Variants in RHOBTB3 observed in about 807,000 individuals in gnomAD.
RHOBTB3 encodes rho-related BTB domain-containing protein 3.
In RHOBTB3, 47 loss-of-function variants were observed where a neutral mutation model predicts 67.2. That is an observed-to-expected ratio of 0.70 (90% CI 0.55 to 0.89). The LOEUF is 0.89. Among genes scored for constraint, RHOBTB3 ranks in the 40% least tolerant of loss-of-function variants. The pLI, the probability that RHOBTB3 is intolerant of heterozygous loss-of-function variation, is 0.00. For missense variants in RHOBTB3, 631 were observed against 750.0 expected (o/e 0.84, Z 1.85); for synonymous variants, 273 against 274.2 (o/e 1.00, Z 0.04).
intron 2 of RHOBTB3, among the ~76,000 whole-genome samples, chr5:95,735,959 C>T (rs562468297): frequency 1.2e-3 from 187 of 152,066 alleles, no homozygotes; most frequent in African/African-American, 4.3e-3. Flanking sequence ...AAAAATTAGC[C>T]GGAATGGTGG....
rs1361470279 is a variant in RHOBTB3 at position 95,795,191 on chromosome 5, G to T, written c.*2017G>T. On this transcript the variant is annotated 3_prime_UTR_variant, in exon 12 of 12. Transcript: ENST00000379982. ...TTTTAATTGGGCTGATTTTAATTAG[G>T]CTGTATCATTGATGATTACTGGAAT... 2.0e-5 allele frequency: 3 copies of T among 151,518 alleles called. No individual in the cohort carries two copies. The highest frequency in any genetic ancestry group is 2.0e-4 in the Admixed American group (3 of 15,208). The allele number at this position is 151,518 out of a possible 1,614,324, so 9.4% of individuals were successfully genotyped here.
chr5:95,723,026 G>C (rs1019007175), intron 1 of RHOBTB3, among the ~76,000 whole-genome samples: 1 of 152,064 alleles, frequency 6.6e-6, no homozygotes, highest in African/African-American at 2.4e-5. Flanking sequence ...TTCAAACAAA[G>C]AAACAAACAT....
Position 95,794,161 on chromosome 5 carries a change from G to A in RHOBTB3, c.*987G>A. 2.5e-6 allele frequency: 1 copy of A among 396,072 alleles called. No homozygotes were observed. The highest frequency in any genetic ancestry group is 1.8e-5 in the South Asian group (1 of 54,500). The allele number at this position is 396,072 out of a possible 1,614,324, so 24.5% of individuals were successfully genotyped here. On this transcript the variant is annotated 3_prime_UTR_variant, in exon 12 of 12. Transcript: ENST00000379982. The stretch of plus-strand genomic sequence containing the variant: ...TGGCAAGGGAGAAATGTGTTGTGTT[G>A]TCTTAGCTTTAAAACAGTCACAGTT...
Position 95,788,811 on chromosome 5 carries a change from C to G in RHOBTB3, c.1673C>G (p.Thr558Ser). Reference sequence around the variant, plus strand: ...ACCTGGCTACTTCATTTCATTGCTACTAACTACCTCATCTTCAGTCAAAAG... The same window carrying G: ...ACCTGGCTACTTCATTTCATTGCTAGTAACTACCTCATCTTCAGTCAAAAG... ...LSTWLLHFIA[T>S]NYLIFSQKPE... Residue 558 changes from threonine (T) to serine (S), a missense_variant, in exon 11 of 12, where the codon ACT becomes AGT. Thr to Ser is a moderately conservative substitution (Grantham distance 58, BLOSUM62 1). Coordinates refer to ENST00000379982, the MANE Select transcript of RHOBTB3 (RefSeq NM_014899.4). 1 of 1,579,928 alleles carries G rather than the reference C, an allele frequency of 6.3e-7. No homozygotes were observed. The highest frequency in any genetic ancestry group is 8.6e-7 in the Non-Finnish European group (1 of 1,168,524).
At chr5:95,784,514 C>T (rs866799556) in intron 10 of RHOBTB3, among the ~76,000 whole-genome samples, 3 of 151,956 alleles carry the variant, frequency 2.0e-5, no homozygotes, top group Admixed American at 6.5e-5. Context: ...CAATCACTGC[C>T]GTATGTGTAC....
intron 1 of RHOBTB3, chr5:95,719,750 C>T (rs1387027782): frequency 6.6e-6 from 1 of 152,146 alleles, no homozygotes; most frequent in Admixed American, 6.6e-5. Flanking sequence ...AGATAGGTCA[C>T]CAATCTTTCC....
intron 8 of RHOBTB3, among the ~76,000 whole-genome samples, chr5:95,775,909 C>T (rs1745862205): frequency 6.6e-6 from 1 of 151,996 alleles, no homozygotes; most frequent in Non-Finnish European, 1.5e-5. Context: ...TAATTATAAA[C>T]TTTTTTTAAG....
At chr5:95,721,161 G>A (rs1453086496) in intron 1 of RHOBTB3, among the ~76,000 whole-genome samples, 3 of 152,184 alleles carry the variant, frequency 2.0e-5, no homozygotes, top group African/African-American at 7.2e-5. Flanking sequence ...CACTATTTAC[G>A]TTGCAGCCTG....
intron 3 of RHOBTB3, 68 bp from the exon 4 acceptor site, chr5:95,748,265 G>C: frequency 8.2e-7 from 1 of 1,218,064 alleles, no homozygotes; most frequent in South Asian, 1.5e-5. Context: ...TTAATGTTCA[G>C]ATTGTCTGTG....
intron 10 of RHOBTB3, among the ~76,000 whole-genome samples, chr5:95,787,372 C>T (rs1255689363): frequency 1.3e-5 from 2 of 151,432 alleles, no homozygotes; most frequent in African/African-American, 2.4e-5. Context: ...AATTTATTTC[C>T]AGTTCAAAAA....
chr5:95,765,851 A>G (rs994545746), intron 7 of RHOBTB3, among the ~76,000 whole-genome samples: 2 of 152,044 alleles, frequency 1.3e-5, no homozygotes, highest in Admixed American at 6.5e-5. Context: ...TTGAGTGGAG[A>G]CGGGGTTTCA....
chr5:95,724,581 C>G (rs551097352), intron 1 of RHOBTB3, among the ~76,000 whole-genome samples: 3 of 152,290 alleles, frequency 2.0e-5, no homozygotes, highest in African/African-American at 7.2e-5. Flanking sequence ...AGCTCCTCTA[C>G]TCCCTACTTG....
chr5:95,778,925 G>C (rs527355201), intron 8 of RHOBTB3, among the ~76,000 whole-genome samples: 92 of 152,364 alleles, frequency 6.0e-4, no homozygotes, highest in African/African-American at 2.2e-3. Context: ...CTGCTCCTCA[G>C]GTAGGTGTGG....
intron 10 of RHOBTB3, among the ~76,000 whole-genome samples, chr5:95,788,561 C>G (rs1473811475): frequency 6.6e-6 from 1 of 152,140 alleles, no homozygotes; most frequent in Non-Finnish European, 1.5e-5. Flanking sequence ...TGGCTTCTTC[C>G]GAGAATGTAC....
At chr5:95,769,963 G>T in intron 8 of RHOBTB3, 1 of 434,392 alleles carries the variant, frequency 2.3e-6, no homozygotes, top group South Asian at 1.8e-5. Flanking sequence ...ACAATAGAAA[G>T]AACCAGCTTA....
chr5:95,787,747 T>TA (rs1199797843), intron 10 of RHOBTB3, among the ~76,000 whole-genome samples: 6 of 152,180 alleles, frequency 3.9e-5, no homozygotes, highest in Non-Finnish European at 7.4e-5. Flanking sequence ...GAGCCAAACA[T>TA]AAAAGGACAA....
intron 11 of RHOBTB3, among the ~76,000 whole-genome samples, chr5:95,790,207 G>A (rs985149995): frequency 3.9e-5 from 6 of 152,166 alleles, no homozygotes; most frequent in African/African-American, 1.4e-4. Flanking sequence ...TATGTACTTT[G>A]TGCAAGGAAA....
intron 9 of RHOBTB3, among the ~76,000 whole-genome samples, chr5:95,783,219 T>G (rs1181627483): frequency 6.6e-6 from 1 of 151,744 alleles, no homozygotes; most frequent in African/African-American, 2.4e-5. Context: ...CCTCCCAGGT[T>G]TTAGTGATTT....
chr5:95,784,640 C>T lies in RHOBTB3; in HGVS notation c.1623+677C>T, dbSNP rs1026634433. On this transcript the variant is annotated intron_variant, in intron 10 of 11. Transcript: ENST00000379982. ...ACATAATTAAGTTAATTTTAAGTAA[C>T]TGCAGTTACAGAGGCCCTAAATTAT... 2.6e-5 allele frequency among the ~76,000 whole-genome samples: 4 copies of T among 152,108 alleles called. 1 individual carries two copies. The highest frequency in any genetic ancestry group is 4.1e-4 in the South Asian group (2 of 4,832).
Sources: allele counts gnomAD v4.1 joint callset (sites outside exome capture counted in the v4.1 genomes callset), GRCh38; gene constraint gnomAD v4.1.1; transcripts MANE v1.5; gene names NCBI Gene and HGNC (gene_info 2026-07-23, HGNC 2026-07-21).